The following SVEP1 variants were observed in gnomAD, a reference collection of about 807,000 sequenced individuals.
SVEP1 encodes sushi, von Willebrand factor type A, EGF and pentraxin domain containing 1, also known as sushi, von Willebrand factor type A, EGF and pentraxin domain-containing protein 1.
In SVEP1, 164 loss-of-function variants were observed where a neutral mutation model predicts 367.3. That is an observed-to-expected ratio of 0.45 (90% CI 0.39 to 0.51). The LOEUF is 0.51. Ranked by LOEUF, SVEP1 falls within the 20% of genes least tolerant of loss-of-function variation. The pLI is 0.00. For synonymous variants in SVEP1, 1,666 were observed against 1,611.6 expected (o/e 1.03, Z -0.81); for missense variants, 4,117 against 4,425.3 (o/e 0.93, Z 1.98).
chr9:110,424,301 T>TCA (rs1304253056), intron 36 of SVEP1, among the ~76,000 whole-genome samples: 2 of 152,006 alleles, frequency 1.3e-5, no homozygotes, highest in Admixed American at 6.6e-5. Flanking sequence ...ATACTGTCTA[T>TCA]CAGTGAAAAT....
At chr9:110,497,115 G>A (rs1829462771) in intron 7 of SVEP1, among the ~76,000 whole-genome samples, 182 bp from the exon 8 acceptor site, 1 of 152,140 alleles carries the variant, frequency 6.6e-6, no homozygotes, top group Non-Finnish European at 1.5e-5. Flanking sequence ...TGGCTTACGA[G>A]CCCAATCTTG....
intron 27 of SVEP1, among the ~76,000 whole-genome samples, chr9:110,438,177 ATTTTTTTTTTT>A (rs10593866): frequency 1.3e-5 from 1 of 75,538 alleles, no homozygotes; most frequent in Non-Finnish European, 2.4e-5. Context: ...TAGTTATGCT[ATTTTTTTTTTT>A]TTTTTTTTTT....
chr9:110,480,898 G>A (rs73655371), intron 12 of SVEP1, among the ~76,000 whole-genome samples: 4,277 of 151,830 alleles, frequency 0.028, 191 homozygotes, highest in African/African-American at 0.098. Flanking sequence ...CTGGGATTAC[G>A]GGTATACGTC....
rs1293664265 is a variant in SVEP1 at position 110,536,091 on chromosome 9, T to A, written c.964+10024A>T. Among the ~76,000 whole-genome samples, 5 of 152,202 alleles carry A rather than the reference T, an allele frequency of 3.3e-5. No individual in the cohort carries two copies. In the East Asian group the frequency reaches 5.8e-4, roughly 18 times the overall value. ...CAGTATGATGCTGGCTGTGGATCTG[T>A]CACAGATGGCTCTTATTAGTTTGAG... On this transcript the variant is annotated intron_variant, in intron 3 of 47. Transcript: ENST00000374469.
At chr9:110,513,167 T>G in intron 4 of SVEP1, 62 bp from the exon 5 acceptor site, 1 of 1,450,426 alleles carries the variant, frequency 6.9e-7, no homozygotes, top group Admixed American at 2.5e-5. Context: ...ACATATCCTT[T>G]TTTTTTTTTC....
chr9:110,479,626 T>A lies in SVEP1; in HGVS notation c.2487+9A>T, dbSNP rs765999609. 34 of 1,601,142 alleles carry A rather than the reference T, an allele frequency of 2.1e-5. No homozygotes were observed. Among genetic ancestry groups the A allele is most frequent in the Non-Finnish European group, 2.5e-5 (29 of 1,175,976 alleles). ...AAGAACACACAATAAATGACCACTA[T>A]TGATGTACCATTTTTCCCAGGGTCG... On this transcript the variant is annotated intron_variant, in intron 13 of 47. Transcript: ENST00000374469.
At chr9:110,513,600 T>C (rs914968362) in intron 4 of SVEP1, among the ~76,000 whole-genome samples, 4 of 152,208 alleles carry the variant, frequency 2.6e-5, no homozygotes, top group African/African-American at 9.6e-5. Context: ...CAAAGATAAA[T>C]GTGACTATCT....
At chr9:110,444,852 T>C (rs7859290) in intron 26 of SVEP1, among the ~76,000 whole-genome samples, 69,027 of 152,062 alleles carry the variant, frequency 0.45, 15,755 homozygotes, top group Admixed American at 0.48. Context: ...TATATATATT[T>C]TGTCTCAAAG....
chr9:110,569,909 A>G (rs1161381077), intron 1 of SVEP1, among the ~76,000 whole-genome samples: 1 of 152,252 alleles, frequency 6.6e-6, no homozygotes, highest in Non-Finnish European at 1.5e-5. Context: ...TCTATGAGAA[A>G]GACATACAGC....
chr9:110,455,823 G>A (rs2118627654), intron 21 of SVEP1, 120 bp from the exon 22 acceptor site: 2 of 307,724 alleles, frequency 6.5e-6, no homozygotes, highest in South Asian at 5.7e-5. Context: ...AGTGGTAAAG[G>A]GTAATATTCA....
Position 110,436,426 on chromosome 9 carries a change from G to A in SVEP1, c.4718C>T (p.Ser1573Phe). Residue 1573 changes from serine to phenylalanine, a missense_variant, in exon 28 of 48, where the codon TCC (serine) becomes TTC (phenylalanine). By Grantham distance (155) the Ser-to-Phe change is radical. Around this residue, in one of 4 missense-constraint regions of SVEP1, gnomAD observed 2,174 missense variants for 2,494.3 expected, o/e 0.87. Transcript: ENST00000374469. ...GTCCCAGAGGTTGAGCTGGCTTATG[G>A]AGCCCACAAAAGACTCAGCTGGGCT... Reference protein sequence around the residue: ...GFSPAESFVGSISQLNLWDYV... With the variant: ...GFSPAESFVGFISQLNLWDYV... The A allele has an allele frequency of 6.2e-7, 1 of 1,613,928 alleles. No homozygotes were observed. Among genetic ancestry groups the A allele is most frequent in the Non-Finnish European group, 8.5e-7 (1 of 1,179,866 alleles).
chr9:110,424,720 G>A (rs2118535996), intron 36 of SVEP1, among the ~76,000 whole-genome samples: 1 of 152,270 alleles, frequency 6.6e-6, no homozygotes, highest in African/African-American at 2.4e-5. Flanking sequence ...TGTTGCCTAG[G>A]CTGGAGTGCA....
intron 16 of SVEP1, among the ~76,000 whole-genome samples, chr9:110,469,597 T>G (rs917004897): frequency 1.3e-5 from 2 of 152,174 alleles, no homozygotes; most frequent in African/African-American, 4.8e-5. Flanking sequence ...GCTCAGAAAT[T>G]CTGAGACCAA....
chr9:110,390,671 G>A (rs960934637), intron 40 of SVEP1, among the ~76,000 whole-genome samples: 1 of 151,928 alleles, frequency 6.6e-6, no homozygotes, highest in African/African-American at 2.4e-5. Context: ...GCAGCAATTT[G>A]TCAGTGATTC....
At chr9:110,578,712 G>T (rs368586010) in intron 1 of SVEP1, among the ~76,000 whole-genome samples, 7 of 152,152 alleles carry the variant, frequency 4.6e-5, no homozygotes, top group Non-Finnish European at 8.8e-5. Context: ...CTTGGATACC[G>T]TCTGCTCCTA....
Position 110,407,136 on chromosome 9 carries a change from C to T in SVEP1, c.8464G>A (p.Asp2822Asn), listed in dbSNP as rs775305571. The change falls in exon 38 of 48, where the codon GAT becomes AAT. Residue 2822 changes from aspartate to asparagine, a missense_variant. Transcript: ENST00000374469. ...RRTCQDDKNW[D>N]EDEPICIPVD... Reference sequence around the variant, plus strand: ...GGAATGCAAATGGGCTCATCCTCATCCCAGTTTTTGTCATCCTGGCATGTT... The same window carrying T: ...GGAATGCAAATGGGCTCATCCTCATTCCAGTTTTTGTCATCCTGGCATGTT... The T allele has an allele frequency of 1.9e-6, 3 of 1,614,012 alleles. No individual in the cohort carries two copies. Among genetic ancestry groups the T allele is most frequent in the South Asian group, 2.2e-5 (2 of 91,080 alleles).
intron 27 of SVEP1, chr9:110,443,321 T>G (rs1284514099): frequency 4.6e-6 from 2 of 433,882 alleles, no homozygotes; most frequent in Middle Eastern, 1.1e-3. Flanking sequence ...GTAGTCTTAA[T>G]GTAGATCTTC....
At chr9:110,497,892 T>C (rs1829475281) in intron 7 of SVEP1, among the ~76,000 whole-genome samples, 1 of 152,228 alleles carries the variant, frequency 6.6e-6, no homozygotes, top group South Asian at 2.1e-4. Flanking sequence ...ATTCAATTTA[T>C]ATTTTCTCTT....
In SVEP1 at chr9:110,489,611, G is replaced by A. The variant is rs552588497; in HGVS notation, c.1930+39C>T. On this transcript the variant is annotated intron_variant, in intron 9 of 47. Coordinates refer to ENST00000374469, the MANE Select transcript of SVEP1 (RefSeq NM_153366.4). ...AATTATGGGAGCCACAGTTCAAGATGACGTTTGGATGGGGAAACAACCAAA... is the reference window on the plus strand; with the variant it reads ...AATTATGGGAGCCACAGTTCAAGATAACGTTTGGATGGGGAAACAACCAAA... 25 of 1,575,256 alleles carry A rather than the reference G, an allele frequency of 1.6e-5. No individual in the cohort carries two copies. The East Asian group carries it at 5.6e-4, about 35-fold the overall frequency.
Sources: gnomAD v4.1 joint callset for allele counts (sites outside exome capture counted in the v4.1 genomes callset) on GRCh38, gnomAD v4.1.1 for gene constraint, gnomAD v4.1.1 regional missense constraint, MANE v1.5 for transcripts, NCBI Gene and HGNC (gene_info 2026-07-23, HGNC 2026-07-21) for gene names.